HS3ST4: variants seen among roughly 807,000 people sequenced by gnomAD.
The protein encoded by HS3ST4 is heparan sulfate glucosamine 3-O-sulfotransferase 4.
HS3ST4 carries 17 observed loss-of-function variants against 29.2 expected under a neutral mutation model. That is an observed-to-expected ratio of 0.58 (90% CI 0.40 to 0.87). HS3ST4 has a LOEUF of 0.87. HS3ST4 is among the 40% of genes least tolerant of loss of function. The pLI, the probability that HS3ST4 is intolerant of heterozygous loss-of-function variation, is 0.00. For missense variants in HS3ST4, 627 were observed against 634.5 expected (o/e 0.99, Z 0.13); for synonymous variants, 314 against 285.7 (o/e 1.10, Z -1.00).
intron 1 of HS3ST4, among the ~76,000 whole-genome samples, chr16:25,728,221 C>T (rs556809326): frequency 9.9e-5 from 15 of 152,108 alleles, no homozygotes; most frequent in Non-Finnish European, 1.8e-4. Flanking sequence ...AGGATGGTCT[C>T]GATCTCCTGA....
chr16:25,773,858 A>G (rs1966845110), intron 1 of HS3ST4, among the ~76,000 whole-genome samples: 2 of 152,062 alleles, frequency 1.3e-5, no homozygotes, highest in South Asian at 4.2e-4. Context: ...CCCCTGTGCA[A>G]AACAGATTTT....
intron 1 of HS3ST4, among the ~76,000 whole-genome samples, chr16:25,965,146 G>A (rs773748274): frequency 7.9e-5 from 12 of 152,078 alleles, no homozygotes; most frequent in Middle Eastern, 3.2e-3. Context: ...CGGGAGGTGC[G>A]GGTGGGAGGA....
At chr16:25,926,332 A>G (rs186732424) in intron 1 of HS3ST4, among the ~76,000 whole-genome samples, 153 of 152,298 alleles carry the variant, frequency 1.0e-3, no homozygotes, top group Middle Eastern at 3.4e-3. Context: ...AGCTTCTACT[A>G]TCCTTCGTAA....
chr16:25,741,026 C>T (rs991171546), intron 1 of HS3ST4, among the ~76,000 whole-genome samples: 2 of 152,004 alleles, frequency 1.3e-5, no homozygotes, highest in Admixed American at 6.6e-5. Flanking sequence ...GATTATACTA[C>T]ATAAAGTGTG....
At chr16:25,740,818 G>A (rs899019294) in intron 1 of HS3ST4, among the ~76,000 whole-genome samples, 25 of 152,076 alleles carry the variant, frequency 1.6e-4, no homozygotes, top group African/African-American at 6.0e-4. Flanking sequence ...CATATCCTTT[G>A]CCCCTCAAAA....
At chr16:26,008,588 G>A (rs146170888) in intron 1 of HS3ST4, among the ~76,000 whole-genome samples, 131 of 152,322 alleles carry the variant, frequency 8.6e-4, no homozygotes, top group African/African-American at 3.1e-3. Context: ...GGAGGCCAAG[G>A]TAGGTGGATC....
intron 1 of HS3ST4, among the ~76,000 whole-genome samples, chr16:25,878,489 T>C (rs1967857306): frequency 6.6e-6 from 1 of 152,154 alleles, no homozygotes; most frequent in African/African-American, 2.4e-5. Context: ...TCACCTCCAT[T>C]GCTCTAGAAT....
Position 25,981,213 on chromosome 16 carries a change from C to T in HS3ST4, c.735-154399C>T, listed in dbSNP as rs978131730. Among the ~76,000 whole-genome samples the T allele has an allele frequency of 2.6e-5, 4 of 152,006 alleles. No homozygotes were observed. In the South Asian group the frequency reaches 8.3e-4, roughly 32 times the overall value. ...TCTCTACAAAAATACAAAAATTAGCCAGGCGTGGTGACGCTTGCCTGTAAT... is the reference window on the plus strand; with the variant it reads ...TCTCTACAAAAATACAAAAATTAGCTAGGCGTGGTGACGCTTGCCTGTAAT... On this transcript the variant is annotated intron_variant, in intron 1 of 1. Coordinates refer to ENST00000331351, the MANE Select transcript of HS3ST4 (RefSeq NM_006040.3).
chr16:25,760,423 G>T (rs1187849608), intron 1 of HS3ST4, among the ~76,000 whole-genome samples: 6 of 139,452 alleles, frequency 4.3e-5, no homozygotes, highest in Non-Finnish European at 6.1e-5. Flanking sequence ...ATGACTCCAT[G>T]TTTTTTTTTT....
At chr16:26,056,030 AAG>A (rs1419964523) in intron 1 of HS3ST4, among the ~76,000 whole-genome samples, 17 of 103,436 alleles carry the variant, frequency 1.6e-4, no homozygotes, top group African/African-American at 5.9e-4. Context: ...TTGCATGAGA[AAG>A]AGAGAGACAG....
At chr16:25,815,593 G>A (rs1298340837) in intron 1 of HS3ST4, among the ~76,000 whole-genome samples, 2 of 152,146 alleles carry the variant, frequency 1.3e-5, no homozygotes, top group African/African-American at 4.8e-5. Context: ...ACAGTGCTGG[G>A]ATTCCAGGCA....
chr16:25,882,781 G>A (rs1289758999), intron 1 of HS3ST4, among the ~76,000 whole-genome samples: 1 of 152,156 alleles, frequency 6.6e-6, no homozygotes, highest in Admixed American at 6.5e-5. Context: ...GAGACATGCT[G>A]GTCACTGTCT....
At chr16:26,032,230 G>T (rs2141753969) in intron 1 of HS3ST4, among the ~76,000 whole-genome samples, 1 of 152,224 alleles carries the variant, frequency 6.6e-6, no homozygotes, top group Non-Finnish European at 1.5e-5. Flanking sequence ...ATACCACAAG[G>T]CTTTTGTGCC....
intron 1 of HS3ST4, among the ~76,000 whole-genome samples, chr16:25,874,996 CAT>C (rs1437179025): frequency 2.0e-5 from 3 of 152,134 alleles, no homozygotes; most frequent in Middle Eastern, 3.2e-3. Context: ...CCTACACACA[CAT>C]GTTTAGAATA....
intron 1 of HS3ST4, among the ~76,000 whole-genome samples, chr16:25,759,901 A>C (rs767265063): frequency 1.5e-4 from 23 of 152,278 alleles, no homozygotes; most frequent in Admixed American, 1.4e-3. Flanking sequence ...AAAATAATAA[A>C]GAGAAAAAAA....
chr16:25,692,444 G>T lies in HS3ST4; in HGVS notation c.27G>T (p.Pro9=). 4.1e-6 allele frequency: 5 copies of T among 1,234,554 alleles called. No individual in the cohort carries two copies. The South Asian group carries it at 1.1e-4, about 28-fold the overall frequency. 76.5% of individuals were successfully genotyped at this position (1,234,554 alleles called of 1,614,324 possible). The change falls in exon 1 of 2, where the codon CCG becomes CCT. Residue 9 remains proline (P), a synonymous_variant. Coordinates refer to ENST00000331351, the MANE Select transcript of HS3ST4 (RefSeq NM_006040.3). MARWPAPP[P]PPPPPPPLAA... ...TGGCCCGGTGGCCCGCACCTCCTCC[G>T]CCTCCGCCTCCGCCTCCACCTCTGG...
At chr16:25,776,284 G>T (rs1057193329) in intron 1 of HS3ST4, among the ~76,000 whole-genome samples, 1 of 152,120 alleles carries the variant, frequency 6.6e-6, no homozygotes, top group Non-Finnish European at 1.5e-5. Context: ...AGTCAACCTG[G>T]GAACTGCTTA....
chr16:25,814,468 T>C (rs1214149957), intron 1 of HS3ST4, among the ~76,000 whole-genome samples: 3 of 152,044 alleles, frequency 2.0e-5, no homozygotes, highest in African/African-American at 7.2e-5. Context: ...TGCCTCAGCC[T>C]CCTGAGTAGC....
chr16:25,915,466 A>C (rs750673668), intron 1 of HS3ST4, among the ~76,000 whole-genome samples: 11 of 152,226 alleles, frequency 7.2e-5, no homozygotes, highest in Non-Finnish European at 1.0e-4. Flanking sequence ...TAATGAAATG[A>C]AAATTCCAAG....
Sources: gnomAD v4.1 joint callset for allele counts (sites outside exome capture counted in the v4.1 genomes callset) on GRCh38, gnomAD v4.1.1 for gene constraint, MANE v1.5 for transcripts, NCBI Gene and HGNC (gene_info 2026-07-23, HGNC 2026-07-21) for gene names.